The following RALYL variants were observed in gnomAD, a reference collection of about 807,000 sequenced individuals.
RALYL encodes RALY RNA binding protein like, also known as RNA-binding Raly-like protein.
Under a neutral mutation model 35.1 loss-of-function variants are expected in RALYL, and 29 were observed. The observed-to-expected ratio is 0.83, with a 90% CI of 0.61 to 1.13. The LOEUF is 1.13. Ranked by LOEUF, RALYL falls within the 50% of genes most tolerant of loss-of-function variation. RALYL has a pLI of 0.00. For synonymous variants in RALYL, 120 were observed against 127.6 expected, an observed-to-expected ratio of 0.94 and a Z score of 0.40; for missense variants, 359 against 360.4, an observed-to-expected ratio of 1.00 and a Z score of 0.03.
chr8:84,584,623 A>T (rs1267396263), intron 2 of RALYL, among the ~76,000 whole-genome samples: 1 of 151,604 alleles, frequency 6.6e-6, no homozygotes, highest in African/African-American at 2.4e-5. Context: ...AAAATTGATG[A>T]TTTAATAGCT....
At chr8:84,900,571 T>G (rs56091577) in intron 8 of RALYL, among the ~76,000 whole-genome samples, 55,683 of 151,602 alleles carry the variant, frequency 0.37, 10,813 homozygotes, top group East Asian at 0.72. Flanking sequence ...TCCAGCTACC[T>G]GGGAGGTTGA....
At chr8:84,397,580 T>C (rs544937519) in intron 1 of RALYL, among the ~76,000 whole-genome samples, 1 of 151,876 alleles carries the variant, frequency 6.6e-6, no homozygotes, top group Non-Finnish European at 1.5e-5. Flanking sequence ...CAGGTACTCG[T>C]GTAACCTAGG....
chr8:84,687,664 C>G (rs1375971978), intron 2 of RALYL, among the ~76,000 whole-genome samples: 2 of 152,120 alleles, frequency 1.3e-5, no homozygotes, highest in Non-Finnish European at 2.9e-5. Flanking sequence ...CCTATTCAAA[C>G]TACTTGTAGT....
chr8:84,512,932 T>C (rs2057745657), intron 1 of RALYL, among the ~76,000 whole-genome samples: 2 of 152,196 alleles, frequency 1.3e-5, no homozygotes, highest in South Asian at 2.1e-4. Flanking sequence ...TATCATAGCC[T>C]TGGAATATAT....
At chr8:84,587,303 T>C (rs1443224186) in intron 2 of RALYL, among the ~76,000 whole-genome samples, 1 of 152,230 alleles carries the variant, frequency 6.6e-6, no homozygotes, top group Non-Finnish European at 1.5e-5. Context: ...CTTGAGGAAT[T>C]GATAATTGAC....
At chr8:84,373,490 G>T (rs1331515738) in intron 1 of RALYL, among the ~76,000 whole-genome samples, 2 of 151,922 alleles carry the variant, frequency 1.3e-5, no homozygotes, top group African/African-American at 4.8e-5. Context: ...TTTCCCTATT[G>T]CTTGTTTTTG....
chr8:84,661,958 T>C (rs1831025823), intron 2 of RALYL, among the ~76,000 whole-genome samples: 1 of 151,606 alleles, frequency 6.6e-6, no homozygotes. Flanking sequence ...TTTTTTTTCC[T>C]TGTGGTCCCA....
rs772699859 is a variant in RALYL, at chr8:84,341,337, G to A, written c.-24+156913G>A. 1.1e-4 allele frequency among the ~76,000 whole-genome samples: 16 copies of A among 151,748 alleles called. No homozygotes were observed. In the South Asian group the frequency reaches 2.1e-3, roughly 20 times the overall value. On this transcript the variant is annotated intron_variant, in intron 1 of 8. Transcript: ENST00000521268. Reference sequence around the variant, plus strand: ...CCCCTTGCTCTTAACTGGGTGAAGCGTGCAGGTTAACATGTGAAATTCTGT... The same window carrying A: ...CCCCTTGCTCTTAACTGGGTGAAGCATGCAGGTTAACATGTGAAATTCTGT...
At chr8:84,395,090 A>G (rs1436638769) in intron 1 of RALYL, among the ~76,000 whole-genome samples, 1 of 151,868 alleles carries the variant, frequency 6.6e-6, no homozygotes, top group African/African-American at 2.4e-5. Flanking sequence ...ACTCATAGAC[A>G]ATTGCTGACC....
intron 1 of RALYL, among the ~76,000 whole-genome samples, chr8:84,216,855 A>G (rs1820952496): frequency 1.3e-5 from 2 of 152,286 alleles, no homozygotes. Context: ...GGTGTAAACC[A>G]ATTGATTTCC....
chr8:84,783,890 C>A (rs1162060538), intron 3 of RALYL, among the ~76,000 whole-genome samples: 4 of 152,170 alleles, frequency 2.6e-5, no homozygotes, highest in Non-Finnish European at 5.9e-5. Context: ...GAAGAAAAAT[C>A]AAGGCAGAAA....
chr8:84,341,216 CTATT>C (rs1748489298), intron 1 of RALYL, among the ~76,000 whole-genome samples: 1 of 137,688 alleles, frequency 7.3e-6, no homozygotes, highest in East Asian at 2.4e-4. Flanking sequence ...TGGCTATTAA[CTATT>C]TATCAGATAA....
At chr8:84,690,204 A>T (rs1837740396) in intron 2 of RALYL, among the ~76,000 whole-genome samples, 1 of 152,176 alleles carries the variant, frequency 6.6e-6, no homozygotes, top group Non-Finnish European at 1.5e-5. Context: ...GCCTTAAAAA[A>T]TGGAGGAAAT....
At chr8:84,410,551 T>C (rs995347065) in intron 1 of RALYL, among the ~76,000 whole-genome samples, 3 of 152,056 alleles carry the variant, frequency 2.0e-5, no homozygotes, top group Admixed American at 6.6e-5. Flanking sequence ...TTTTTCCAAA[T>C]ATAAACTGGT....
intron 1 of RALYL, among the ~76,000 whole-genome samples, chr8:84,188,116 C>T (rs1222906468): frequency 4.6e-5 from 7 of 151,264 alleles, no homozygotes; most frequent in African/African-American, 1.7e-4. Flanking sequence ...TTTTTCTTTC[C>T]AACTTTTAGT....
At chr8:84,843,905 G>T (rs1834000471) in intron 4 of RALYL, among the ~76,000 whole-genome samples, 1 of 152,222 alleles carries the variant, frequency 6.6e-6, no homozygotes. Flanking sequence ...TGGGAAAACT[G>T]GCTAGCCATA....
At chr8:84,630,837 A>G (rs1253960452) in intron 2 of RALYL, among the ~76,000 whole-genome samples, 2 of 152,046 alleles carry the variant, frequency 1.3e-5, no homozygotes, top group East Asian at 1.9e-4. Context: ...TAACCAATTC[A>G]TCTGCATTTT....
intron 2 of RALYL, among the ~76,000 whole-genome samples, chr8:84,619,730 G>A (rs1456937424): frequency 1.3e-5 from 2 of 151,660 alleles, no homozygotes; most frequent in South Asian, 4.2e-4. Context: ...AGCAGCTGGT[G>A]CCGGTTGTTC....
chr8:84,533,227 T>A (rs1028547763), intron 2 of RALYL, among the ~76,000 whole-genome samples: 2 of 152,166 alleles, frequency 1.3e-5, no homozygotes, highest in Admixed American at 1.3e-4. Context: ...ATTCTAAGTT[T>A]GTTAATATTG....
Sources: allele counts gnomAD v4.1 joint callset (sites outside exome capture counted in the v4.1 genomes callset), GRCh38; gene constraint gnomAD v4.1.1; transcripts MANE v1.5; gene names NCBI Gene and HGNC (gene_info 2026-07-23, HGNC 2026-07-21).